KLHL13: variants seen among roughly 807,000 people sequenced by gnomAD.
KLHL13 encodes the protein kelch like family member 13, also known as kelch-like protein 13.
Under a neutral mutation model 37.1 loss-of-function variants are expected in KLHL13, and 10 were observed. That is an observed-to-expected ratio of 0.27 (90% confidence interval 0.17 to 0.46). The LOEUF (loss-of-function observed/expected upper bound fraction) is 0.46, where lower values mean the gene tolerates loss of function less well. Among genes scored for constraint, KLHL13 ranks in the 20% least tolerant of loss-of-function variants. The pLI is 1.00. For synonymous variants in KLHL13, 163 were observed against 181.2 expected, an observed-to-expected ratio of 0.90 and a Z score of 0.81; for missense variants, 360 against 509.3, an observed-to-expected ratio of 0.71 and a Z score of 2.82.
chrX:118,088,307 T>C (rs943789390), intron 1 of KLHL13, among the ~76,000 whole-genome samples: 1 of 112,016 alleles, frequency 8.9e-6, no homozygotes, highest in African/African-American at 3.2e-5. Context: ...TGATCACTAG[T>C]TAACCGGTAC....
At chrX:118,051,368 G>A (rs2054611472) in intron 1 of KLHL13, among the ~76,000 whole-genome samples, 1 of 109,007 alleles carries the variant, frequency 9.2e-6, no homozygotes, top group African/African-American at 3.3e-5. Flanking sequence ...GTGAAACCCC[G>A]TATCTACTGA....
chrX:118,018,060 C>A (rs191298557), intron 1 of KLHL13, among the ~76,000 whole-genome samples: 1 of 111,523 alleles, frequency 9.0e-6, no homozygotes, highest in East Asian at 2.8e-4. Context: ...TCCATCAAAG[C>A]AAACCACATG....
intron 1 of KLHL13, among the ~76,000 whole-genome samples, chrX:117,951,607 T>C (rs1244988307): frequency 1.8e-5 from 2 of 111,858 alleles, no homozygotes; most frequent in Non-Finnish European, 1.9e-5. Flanking sequence ...TTTTATAAAA[T>C]AGCTGCTATC....
intron 1 of KLHL13, among the ~76,000 whole-genome samples, chrX:118,083,452 A>G (rs1379693556): frequency 8.9e-6 from 1 of 112,131 alleles, no homozygotes; most frequent in Non-Finnish European, 1.9e-5. Context: ...CTTAGAGGAC[A>G]TTATGCTAAG....
At chrX:118,065,467 C>T (rs986462795) in intron 1 of KLHL13, among the ~76,000 whole-genome samples, 2 of 111,125 alleles carry the variant, frequency 1.8e-5, no homozygotes, top group Non-Finnish European at 3.8e-5. Context: ...AGAAGTGGAA[C>T]TTGTCCTAAA....
chrX:118,111,898 T>TA (rs1274229081), intron 1 of KLHL13, among the ~76,000 whole-genome samples: 2 of 111,074 alleles, frequency 1.8e-5, no homozygotes, highest in Non-Finnish European at 3.8e-5. Flanking sequence ...AGACTCCGTC[T>TA]AAAAAAAAGA....
intron 2 of KLHL13, among the ~76,000 whole-genome samples, chrX:117,930,433 A>G (rs1357845668): frequency 5.4e-5 from 6 of 111,556 alleles, no homozygotes; most frequent in African/African-American, 1.3e-4. Flanking sequence ...GCTAGAACTG[A>G]TAAGTCAGTT....
At chrX:118,061,828 A>T (rs2054745574) in intron 1 of KLHL13, among the ~76,000 whole-genome samples, 1 of 111,783 alleles carries the variant, frequency 8.9e-6, no homozygotes, top group African/African-American at 3.2e-5. Flanking sequence ...CAAATTTTTT[A>T]AAAGAATAAA....
chrX:118,019,674 G>A (rs2054176562), intron 1 of KLHL13, among the ~76,000 whole-genome samples: 1 of 110,976 alleles, frequency 9.0e-6, no homozygotes, highest in Non-Finnish European at 1.9e-5. Context: ...TTTGTATAAG[G>A]TGTAAGGAAG....
chrX:117,978,453 G>A (rs147596504), upstream of KLHL13, among the ~76,000 whole-genome samples: 5,305 of 111,502 alleles, frequency 0.048, 134 homozygotes, highest in Non-Finnish European at 0.076. Flanking sequence ...CAAAGGAGAA[G>A]ACAATAGGGG....
chrX:117,993,002 G>A lies in KLHL13; in HGVS notation c.-55-47427C>T, dbSNP rs1371089230. On this transcript the variant is annotated intron_variant, in intron 1 of 6. Transcript: ENST00000371882. Reference sequence around the variant, plus strand: ...CACCTTCAAGGTGGACACAACCCACGGAACATCAGTTACAGTCACAGTACT... The same window carrying A: ...CACCTTCAAGGTGGACACAACCCACAGAACATCAGTTACAGTCACAGTACT... Among the ~76,000 whole-genome samples, 7 of 111,854 alleles carry A rather than the reference G, an allele frequency of 6.3e-5. 1 individual carries two copies. Among genetic ancestry groups the A allele is most frequent in the Admixed American group, 3.8e-4 (4 of 10,537 alleles).
At chrX:118,014,673 G>A (rs377264998) in intron 1 of KLHL13, among the ~76,000 whole-genome samples, 3 of 112,091 alleles carry the variant, frequency 2.7e-5, no homozygotes, top group Non-Finnish European at 3.8e-5. Context: ...ATGTGACTTC[G>A]CCTCCAGCGG....
chrX:117,945,716 C>T (rs1162542898), intron 1 of KLHL13, 141 bp from the exon 3 acceptor site: 4 of 440,137 alleles, frequency 9.1e-6, no homozygotes, highest in Non-Finnish European at 1.5e-5. Context: ...ATATTATACG[C>T]TTGTACCACT....
intron 1 of KLHL13, among the ~76,000 whole-genome samples, chrX:118,063,239 A>G (rs979565173): frequency 4.5e-5 from 5 of 111,683 alleles, no homozygotes; most frequent in African/African-American, 6.5e-5. Context: ...ATGAACCTGT[A>G]TATGTGCTGT....
chrX:118,022,660 C>T (rs1415349276), intron 1 of KLHL13, among the ~76,000 whole-genome samples: 1 of 111,653 alleles, frequency 9.0e-6, no homozygotes, highest in Non-Finnish European at 1.9e-5. Context: ...CTATTCAGGT[C>T]CTTTGCTCAT....
At chrX:118,030,661 TATC>T (rs1303728859) in intron 1 of KLHL13, among the ~76,000 whole-genome samples, 1 of 111,949 alleles carries the variant, frequency 8.9e-6, no homozygotes, top group Non-Finnish European at 1.9e-5. Flanking sequence ...TTAATGCCAT[TATC>T]ATGGGAATGC....
At chrX:117,963,752 T>C (rs1361885833) in intron 1 of KLHL13, among the ~76,000 whole-genome samples, 4 of 100,460 alleles carry the variant, frequency 4.0e-5, no homozygotes, top group East Asian at 6.4e-4. Flanking sequence ...TTTTTAATGA[T>C]TGCCATTCTA....
chrX:118,057,285 T>A (rs2054694709), intron 1 of KLHL13, among the ~76,000 whole-genome samples: 2 of 112,167 alleles, frequency 1.8e-5, no homozygotes, highest in African/African-American at 6.5e-5. Flanking sequence ...CACAACTGGA[T>A]AGTCACATGC....
chrX:117,962,868 G>A (rs2053327811), intron 1 of KLHL13, among the ~76,000 whole-genome samples: 1 of 111,985 alleles, frequency 8.9e-6, no homozygotes. Flanking sequence ...TAACCTCTCT[G>A]AACTTGTGTC....
Sources: gnomAD v4.1 joint callset for allele counts (sites outside exome capture counted in the v4.1 genomes callset) on GRCh38, gnomAD v4.1.1 for gene constraint, MANE v1.5 for transcripts, NCBI Gene and HGNC (gene_info 2026-07-23, HGNC 2026-07-21) for gene names.